Variants in A2ML1 observed in about 807,000 individuals in gnomAD.
A2ML1 encodes the protein alpha-2-macroglobulin like 1, also known as alpha-2-macroglobulin-like protein 1.
In A2ML1, 161 loss-of-function variants were observed where a neutral mutation model predicts 181.9. The observed-to-expected ratio is 0.89, with a 90% CI of 0.78 to 1.01. The LOEUF (loss-of-function observed/expected upper bound fraction) is 1.01. Ranked by LOEUF, A2ML1 falls within the 50% of genes least tolerant of loss-of-function variation. A2ML1 has a pLI of 0.00. For missense variants in A2ML1, 1,670 were observed against 1,768.1 expected, an observed-to-expected ratio of 0.94 and a Z score of 1.00; for synonymous variants, 663 against 666.8, an observed-to-expected ratio of 0.99 and a Z score of 0.09.
At chr12:8,859,164 G>A (rs1019145935) in intron 26 of A2ML1, among the ~76,000 whole-genome samples, 3 of 151,962 alleles carry the variant, frequency 2.0e-5, no homozygotes, top group South Asian at 2.1e-4. Context: ...AGCAGAGGGC[G>A]AGGCGTAGAT....
rs758569161 is a variant in A2ML1, at chr12:8,874,894, A to G, written c.4325-77A>G. The G allele has an allele frequency of 4.7e-5, 67 of 1,424,526 alleles. 1 individual carries two copies. The South Asian group carries it at 6.4e-4, about 14-fold the overall frequency. 88.2% of individuals were successfully genotyped at this position (1,424,526 alleles called of 1,614,324 possible). A position where few individuals can be genotyped will look rare whatever the true frequency, so the allele number is the denominator to read the frequency against. On this transcript the variant is annotated intron_variant, in intron 34 of 35. Transcript: ENST00000299698. ...GAGATTCTCTGGAAGGGGCTCAAGC[A>G]GTAGCTTTTCTGAAGCATTTTCCCT...
In A2ML1 at chr12:8,859,392, G is replaced by T. The variant is rs763837233; in HGVS notation, c.3264+1290G>T. ...CTTCTTCTTCTCTTATACACTGTAT[G>T]AAATATGCGTGGGGGCCAGGCGCAG... On this transcript the variant is annotated intron_variant, in intron 26 of 35. Transcript: ENST00000299698. Among the ~76,000 whole-genome samples, 8 of 152,094 alleles carry T rather than the reference G, an allele frequency of 5.3e-5. No homozygotes were observed. The East Asian group carries it at 1.5e-3, about 29-fold the overall frequency.
At chr12:8,848,592 A>G (rs1592132547) in intron 15 of A2ML1, 128 bp from the exon 16 acceptor site, 2 of 702,774 alleles carry the variant, frequency 2.8e-6, no homozygotes, top group East Asian at 6.1e-5. Flanking sequence ...GAATGAATAT[A>G]AAAATAATTC....
rs201438349 is a variant in A2ML1 at position 8,837,399 on chromosome 12, G to T, written c.729-41G>T. ...TTGAGGGAAGAGTTGGATCTCAAGT[G>T]GAATTTCCCAACTCTGACTCCTTAT... On this transcript the variant is annotated intron_variant, in intron 7 of 35. Coordinates refer to ENST00000299698, the MANE Select transcript of A2ML1 (RefSeq NM_144670.6). The T allele has an allele frequency of 9.8e-5, 158 of 1,607,878 alleles. 1 individual carries two copies. In the Middle Eastern group the frequency reaches 1.0e-3, roughly 10 times the overall value.
At position 8,835,673 on chromosome 12, in the gene A2ML1, G is replaced by A; in HGVS notation, c.643+7G>A. The stretch of plus-strand genomic sequence containing the variant: ...TTCAGTGTGGAGGAATATGGTAGGT[G>A]GGGAAATGGACAGGCCAAAGTATTG... On this transcript the variant is annotated splice_region_variant and intron_variant, in intron 6 of 35. Coordinates refer to ENST00000299698, the MANE Select transcript of A2ML1 (RefSeq NM_144670.6). 6.2e-7 allele frequency: 1 copy of A among 1,613,988 alleles called. No individual in the cohort carries two copies. Among genetic ancestry groups the A allele is most frequent in the Non-Finnish European group, 8.5e-7 (1 of 1,179,934 alleles).
At position 8,854,695 on chromosome 12, in the gene A2ML1, G is replaced by A. The variant is rs761770725; in HGVS notation, c.2713-85G>A. ...CTGAGGGAAGCCCTGGGGGCACAGC[G>A]AGGGGCCTCCCTTCCCTTTCCTTTA... On this transcript the variant is annotated intron_variant, in intron 21 of 35. Transcript: ENST00000299698. 8.8e-6 allele frequency: 13 copies of A among 1,472,770 alleles called. No individual in the cohort carries two copies. In the Admixed American group the frequency reaches 1.6e-4, roughly 18 times the overall value. The allele number at this position is 1,472,770 out of a possible 1,614,324, so 91.2% of individuals were successfully genotyped here. A position where few individuals can be genotyped will look rare whatever the true frequency, so the allele number is the denominator to read the frequency against.
chr12:8,825,881 A>G (rs1422267047), intron 3 of A2ML1, among the ~76,000 whole-genome samples: 1 of 152,052 alleles, frequency 6.6e-6, no homozygotes, highest in Non-Finnish European at 1.5e-5. Context: ...TACACTTGTC[A>G]CCTTTGTCAA....
chr12:8,861,821 G>A (rs1289887738), intron 28 of A2ML1, among the ~76,000 whole-genome samples: 7 of 151,042 alleles, frequency 4.6e-5, no homozygotes, highest in African/African-American at 7.4e-5. Flanking sequence ...GTGCAATGGC[G>A]TGATCTCAGC....
At position 8,822,721 on chromosome 12, in the gene A2ML1, C is replaced by G. The variant is rs771950125; in HGVS notation, c.62+8C>G. On this transcript the variant is annotated splice_region_variant and intron_variant, in intron 1 of 35. Transcript: ENST00000299698. ...CATTGCAGAAGAACTTCCGTGAGTG[C>G]TTGGTGTCAGAATTGGTTTATTAGG... The G allele has an allele frequency of 6.2e-7, 1 of 1,613,936 alleles. No homozygotes were observed. Among genetic ancestry groups the G allele is most frequent in the Non-Finnish European group, 8.5e-7 (1 of 1,179,838 alleles).
At chr12:8,842,421 G>GT (rs1943519501) in intron 11 of A2ML1, among the ~76,000 whole-genome samples, 1 of 151,914 alleles carries the variant, frequency 6.6e-6, no homozygotes, top group Non-Finnish European at 1.5e-5. Context: ...GGGTTTCACT[G>GT]TGTTAGCCAG....
In A2ML1 at chr12:8,823,063, A is replaced by G; in HGVS notation, c.63-119A>G. The G allele has an allele frequency of 3.0e-6, 3 of 1,010,400 alleles. No individual in the cohort carries two copies. In the South Asian group the frequency reaches 4.8e-5, roughly 16 times the overall value. 62.6% of individuals were successfully genotyped at this position (1,010,400 alleles called of 1,614,324 possible). A position where few individuals can be genotyped will look rare whatever the true frequency, so the allele number is the denominator to read the frequency against. ...CTTCTTGTAGAAAATGAGGTGCATA[A>G]GGAAGGCAGGGGCTTGGTCTGTCTA... On this transcript the variant is annotated intron_variant, in intron 1 of 35. Coordinates refer to ENST00000299698, the MANE Select transcript of A2ML1 (RefSeq NM_144670.6).
intron 35 of A2ML1, chr12:8,875,423 C>T: frequency 6.5e-6 from 1 of 154,012 alleles, no homozygotes; most frequent in Non-Finnish European, 1.4e-5. Context: ...AGTGAGCTTT[C>T]CTTTTTTGTC....
rs200865654 is a variant in A2ML1 at position 8,843,383 on chromosome 12, G to A, written c.1476+22G>A. 509 of 1,607,086 alleles carry A rather than the reference G, an allele frequency of 3.2e-4. 1 individual carries two copies. The highest frequency in any genetic ancestry group is 4.2e-4 in the Non-Finnish European group (490 of 1,174,358). On this transcript the variant is annotated intron_variant, in intron 12 of 35. Transcript: ENST00000299698. The stretch of plus-strand genomic sequence containing the variant: ...CTATGTGAGACCGGGAAACGGGGAC[G>A]GGTGAGAGTATGCTGGGAAGGAAAG...
At position 8,861,210 on chromosome 12, in the gene A2ML1, C is replaced by T; in HGVS notation, c.3415C>T (p.Leu1139=). 1 of 1,614,156 alleles carries T rather than the reference C, an allele frequency of 6.2e-7. No homozygotes were observed. The highest frequency in any genetic ancestry group is 2.2e-5 in the East Asian group (1 of 44,888). Residue 1139 remains leucine, a synonymous_variant, in exon 28 of 36, where the codon CTG becomes TTG. Coordinates refer to ENST00000299698, the MANE Select transcript of A2ML1 (RefSeq NM_144670.6). The stretch of plus-strand genomic sequence containing the variant: ...CACGACCAACCTCTACACACAGGCC[C>T]TGTTGGCTTACATTTTCTCCCTGGC... ...TSTTNLYTQA[L]LAYIFSLAGE... is the part of the protein sequence containing the mutation.
At chr12:8,854,702 C>T in intron 21 of A2ML1, 78 bp from the exon 22 acceptor site, 6 of 1,522,718 alleles carry the variant, frequency 3.9e-6, no homozygotes, top group Non-Finnish European at 5.5e-6. Flanking sequence ...AGCGAGGGGC[C>T]TCCCTTCCCT....
intron 6 of A2ML1, 73 bp downstream of exon 6, chr12:8,835,739 C>T (rs760188347): frequency 1.1e-4 from 170 of 1,577,298 alleles, no homozygotes; most frequent in African/African-American, 1.6e-4. Context: ...TGGAGCCGGG[C>T]GCAGTGGCTC....
At chr12:8,859,882 T>C (rs1164735332) in intron 26 of A2ML1, among the ~76,000 whole-genome samples, 2 of 152,056 alleles carry the variant, frequency 1.3e-5, no homozygotes, top group Admixed American at 1.3e-4. Context: ...CTACTTTCTT[T>C]TGAGAGCAGG....
intron 7 of A2ML1, 32 bp from the exon 8 acceptor site, chr12:8,837,408 C>G (rs756023714): frequency 6.2e-7 from 1 of 1,610,660 alleles, no homozygotes; most frequent in African/African-American, 1.3e-5. Context: ...TGGAATTTCC[C>G]AACTCTGACT....
intron 3 of A2ML1, among the ~76,000 whole-genome samples, chr12:8,827,778 C>T (rs181577206): frequency 2.0e-5 from 3 of 152,182 alleles, no homozygotes; most frequent in Admixed American, 1.3e-4. Context: ...ACTTGGGTGT[C>T]GTAATCTAAG....
Sources: gnomAD v4.1 joint callset for allele counts (sites outside exome capture counted in the v4.1 genomes callset) on GRCh38, gnomAD v4.1.1 for gene constraint, MANE v1.5 for transcripts, NCBI Gene and HGNC (gene_info 2026-07-23, HGNC 2026-07-21) for gene names.